The following ZFAND6 variants were observed in gnomAD, a reference collection of about 807,000 sequenced individuals.
ZFAND6 encodes the protein zinc finger AN1-type containing 6, also known as AN1-type zinc finger protein 6.
In ZFAND6, 12 loss-of-function variants were observed where a neutral mutation model predicts 24.5. That is an observed-to-expected ratio of 0.49 (90% CI 0.31 to 0.79). The LOEUF is 0.79. Ranked by LOEUF, ZFAND6 falls within the 30% of genes least tolerant of loss-of-function variation. The pLI is 0.04. For synonymous variants in ZFAND6, 92 were observed against 81.5 expected (o/e 1.13, Z -0.69); for missense variants, 207 against 245.9 (o/e 0.84, Z 1.06).
At chr15:80,099,641 G>A (rs573711897) in intron 2 of ZFAND6, among the ~76,000 whole-genome samples, 33 of 20,144 alleles carry the variant, frequency 1.6e-3, no homozygotes, top group Non-Finnish European at 4.2e-3. Flanking sequence ...TTTTCGAGAC[G>A]GAGTCTCACT....
At chr15:80,127,105 CT>C (rs1441606346) in intron 5 of ZFAND6, among the ~76,000 whole-genome samples, 1 of 151,430 alleles carries the variant, frequency 6.6e-6, no homozygotes, top group East Asian at 1.9e-4. Context: ...GAGACCCTCT[CT>C]CAAAAAATAA....
intron 2 of ZFAND6, among the ~76,000 whole-genome samples, chr15:80,112,570 G>A (rs1255075413): frequency 2.0e-5 from 3 of 152,046 alleles, no homozygotes; most frequent in Non-Finnish European, 4.4e-5. Flanking sequence ...GCTGATTTTT[G>A]TATTTTTAGT....
intron 6 of ZFAND6, among the ~76,000 whole-genome samples, chr15:80,134,635 T>G (rs1230207002): frequency 6.6e-6 from 1 of 152,170 alleles, no homozygotes; most frequent in Admixed American, 6.5e-5. Context: ...TGATAGAGAT[T>G]GTGGATATGG....
At chr15:80,097,821 T>C (rs1596257715) in intron 1 of ZFAND6, among the ~76,000 whole-genome samples, 1 of 152,164 alleles carries the variant, frequency 6.6e-6, no homozygotes, top group Admixed American at 6.5e-5. Flanking sequence ...ATTTTGAAAG[T>C]TCAGTTTAGT....
At chr15:80,127,961 TA>T (rs953047708) in intron 5 of ZFAND6, among the ~76,000 whole-genome samples, 41 of 151,168 alleles carry the variant, frequency 2.7e-4, no homozygotes, top group African/African-American at 9.9e-4. Context: ...GATCATTGGA[TA>T]AAAAAAAATG....
intron 1 of ZFAND6, among the ~76,000 whole-genome samples, chr15:80,085,964 T>C (rs1293674339): frequency 6.6e-6 from 1 of 152,252 alleles, no homozygotes; most frequent in Non-Finnish European, 1.5e-5. Context: ...GTAGTTTATC[T>C]GCACCCATAC....
intron 3 of ZFAND6, among the ~76,000 whole-genome samples, chr15:80,121,240 A>G (rs995528453): frequency 2.6e-5 from 4 of 152,180 alleles, no homozygotes; most frequent in Non-Finnish European, 4.4e-5. Context: ...AAAACCTACA[A>G]CCATTTAACC....
chr15:80,063,266 A>G (rs1567045162), intron 1 of ZFAND6, among the ~76,000 whole-genome samples: 2 of 151,962 alleles, frequency 1.3e-5, no homozygotes, highest in Non-Finnish European at 2.9e-5. Context: ...CCCAAAAACT[A>G]TTATTTCAAC....
intron 1 of ZFAND6, among the ~76,000 whole-genome samples, chr15:80,082,007 C>T (rs572619060): frequency 2.0e-5 from 3 of 152,252 alleles, no homozygotes; most frequent in East Asian, 3.9e-4. Flanking sequence ...TTTATTTACC[C>T]GGAAAGAGGC....
At chr15:80,064,652 G>GT (rs2036517516) in intron 1 of ZFAND6, among the ~76,000 whole-genome samples, 1 of 151,570 alleles carries the variant, frequency 6.6e-6, no homozygotes, top group Middle Eastern at 3.2e-3. Flanking sequence ...TTTTTAAAAT[G>GT]TTTTTTGAGA....
At chr15:80,073,026 T>A (rs1470355943) in intron 1 of ZFAND6, among the ~76,000 whole-genome samples, 1 of 151,984 alleles carries the variant, frequency 6.6e-6, no homozygotes, top group African/African-American at 2.4e-5. Context: ...GTTAAGTTGC[T>A]GAAAGATAAA....
chr15:80,105,288 A>G (rs916551780), intron 2 of ZFAND6, among the ~76,000 whole-genome samples: 4 of 152,200 alleles, frequency 2.6e-5, no homozygotes, highest in African/African-American at 7.2e-5. Context: ...CACACTTTTA[A>G]TAAAAAACGG....
intron 2 of ZFAND6, among the ~76,000 whole-genome samples, chr15:80,118,039 T>A (rs1025350749): frequency 6.6e-6 from 1 of 152,118 alleles, no homozygotes; most frequent in African/African-American, 2.4e-5. Flanking sequence ...TGTGTGTATA[T>A]GTATGTATAT....
At chr15:80,128,379 T>G (rs1197042288) in intron 5 of ZFAND6, among the ~76,000 whole-genome samples, 5 of 152,156 alleles carry the variant, frequency 3.3e-5, no homozygotes, top group African/African-American at 1.2e-4. Flanking sequence ...GGATGACTTG[T>G]GAGTGCAAAC....
chr15:80,088,171 C>G (rs1269584451), intron 1 of ZFAND6, among the ~76,000 whole-genome samples: 1 of 152,054 alleles, frequency 6.6e-6, no homozygotes, highest in Non-Finnish European at 1.5e-5. Flanking sequence ...TTAAGCTTTA[C>G]TACAAACTTT....
rs753726703 is a variant in ZFAND6, at chr15:80,121,768, G to A, written c.211G>A (p.Val71Met). ...ACCAGTTCAATGCACAGATGGCAGTGTGCCAGAAGCCCAGTCAGCATTAGA... is the reference window on the plus strand; with the variant it reads ...ACCAGTTCAATGCACAGATGGCAGTATGCCAGAAGCCCAGTCAGCATTAGA... The part of the protein sequence containing the change: ...SLPVQCTDGS[V>M]PEAQSALDST... Residue 71 changes from valine (V) to methionine (M), a missense_variant, in exon 4 of 7, where the codon GTG (valine) becomes ATG (methionine). Around this residue, in one of 3 missense-constraint regions of ZFAND6, gnomAD observed 133 missense variants for 122.8 expected, o/e 1.08. Transcript: ENST00000261749. The A allele has an allele frequency of 3.2e-5, 51 of 1,613,760 alleles. No homozygotes were observed. The highest frequency in any genetic ancestry group is 4.2e-5 in the Non-Finnish European group (49 of 1,179,866).
chr15:80,105,945 A>G (rs916822587), intron 2 of ZFAND6, among the ~76,000 whole-genome samples: 1 of 152,188 alleles, frequency 6.6e-6, no homozygotes, highest in Non-Finnish European at 1.5e-5. Flanking sequence ...TTGATACTTA[A>G]CATTTTGTGG....
chr15:80,072,228 C>T (rs893880752), intron 1 of ZFAND6, among the ~76,000 whole-genome samples: 15 of 152,070 alleles, frequency 9.9e-5, no homozygotes, highest in Admixed American at 9.2e-4. Flanking sequence ...ACCTTCATTG[C>T]TCCATAAAAA....
chr15:80,095,813 CT>C (rs2038687798), intron 1 of ZFAND6, among the ~76,000 whole-genome samples: 1 of 152,126 alleles, frequency 6.6e-6, no homozygotes, highest in African/African-American at 2.4e-5. Flanking sequence ...AAAATGTGTT[CT>C]TTTTTGTCTT....
Sources: gnomAD v4.1 joint callset for allele counts (sites outside exome capture counted in the v4.1 genomes callset) on GRCh38, gnomAD v4.1.1 for gene constraint, gnomAD v4.1.1 regional missense constraint, MANE v1.5 for transcripts, NCBI Gene and HGNC (gene_info 2026-07-23, HGNC 2026-07-21) for gene names.